Variants in NUP210L observed in about 807,000 individuals in gnomAD.
NUP210L encodes the protein nuclear pore membrane glycoprotein 210-like.
Under a neutral mutation model 208.5 loss-of-function variants are expected in NUP210L, and 74 were observed. The observed-to-expected ratio is 0.35, with a 90% CI of 0.29 to 0.43. The LOEUF (loss-of-function observed/expected upper bound fraction) is 0.43. Among genes scored for constraint, NUP210L ranks in the 20% least tolerant of loss-of-function variants. The probability of loss-of-function intolerance (pLI) is 1.00; values close to 1 mark genes in which losing one functional copy is unlikely to be tolerated. For missense variants in NUP210L, 1,843 were observed against 2,289.4 expected, an observed-to-expected ratio of 0.81 and a Z score of 3.98; for synonymous variants, 780 against 816.9, an observed-to-expected ratio of 0.95 and a Z score of 0.77.
In NUP210L at chr1:154,012,311, G is replaced by C. The variant is rs537840004; in HGVS notation, c.4713C>G (p.Thr1571=). 1.3e-4 allele frequency: 215 copies of C among 1,612,462 alleles called. 3 individuals are homozygous for C. The South Asian group carries it at 2.2e-3, about 16-fold the overall frequency. ...TGAATACAGTTGAATTGAGGGTATT[G>C]GTGAGATAAGTCTTGAGGTCATAAC... Residue 1571 remains threonine, a synonymous_variant, in exon 34 of 40, where the codon ACC becomes ACG. Transcript: ENST00000368559.
chr1:154,030,018 T>C, exon 28 of NUP210L: 1 of 1,609,884 alleles, frequency 6.2e-7, no homozygotes, highest in Non-Finnish European at 8.5e-7. Flanking sequence ...TGGACAACCA[T>C]GGCAAAGTTA....
chr1:154,092,186 C>T (rs1458721945), intron 15 of NUP210L, among the ~76,000 whole-genome samples: 1 of 151,314 alleles, frequency 6.6e-6, no homozygotes, highest in Non-Finnish European at 1.5e-5. Flanking sequence ...CGCCATTCTC[C>T]TGCCTCAGCC....
chr1:154,108,974 C>T (rs1045679486), intron 12 of NUP210L, among the ~76,000 whole-genome samples: 1 of 151,672 alleles, frequency 6.6e-6, no homozygotes, highest in Non-Finnish European at 1.5e-5. Flanking sequence ...GTAGCACATG[C>T]CTGTAATCCC....
At chr1:154,068,116 A>T (rs1654509792) in intron 17 of NUP210L, among the ~76,000 whole-genome samples, 1 of 152,174 alleles carries the variant, frequency 6.6e-6, no homozygotes, top group African/African-American at 2.4e-5. Context: ...AAAAGAGCCC[A>T]CATTGCCAAG....
intron 7 of NUP210L, among the ~76,000 whole-genome samples, chr1:154,134,897 C>T (rs915660819): frequency 1.5e-4 from 22 of 151,722 alleles, no homozygotes; most frequent in African/African-American, 4.6e-4. Context: ...ACCACCACGC[C>T]CGGCTAATTT....
At chr1:154,093,668 T>C (rs972224539) in intron 15 of NUP210L, among the ~76,000 whole-genome samples, 3 of 152,134 alleles carry the variant, frequency 2.0e-5, no homozygotes, top group East Asian at 3.8e-4. Flanking sequence ...GTTCAATGGA[T>C]TACAGCACAG....
At chr1:154,141,505 C>T in exon 4 of NUP210L, 1 of 1,610,174 alleles carries the variant, frequency 6.2e-7, no homozygotes, top group Non-Finnish European at 8.5e-7. Flanking sequence ...TCATCCCTGC[C>T]AAACTACTAA....
chr1:154,149,034 T>C (rs60633748), intron 2 of NUP210L, among the ~76,000 whole-genome samples: 68,693 of 150,356 alleles, frequency 0.46, 16,099 homozygotes, highest in Admixed American at 0.57. Context: ...AAAGGAAAAG[T>C]CTTGTGCACA....
At chr1:154,148,138 G>A (rs563985327) in intron 2 of NUP210L, among the ~76,000 whole-genome samples, 177 of 151,432 alleles carry the variant, frequency 1.2e-3, no homozygotes, top group South Asian at 8.4e-4. Flanking sequence ...ATGGTGGTGC[G>A]TGCCTGTAAT....
chr1:154,016,723 C>T (rs1557916118), intron 33 of NUP210L, among the ~76,000 whole-genome samples: 1 of 152,172 alleles, frequency 6.6e-6, no homozygotes, highest in Non-Finnish European at 1.5e-5. Flanking sequence ...GCAGGCCTAT[C>T]ACTTGGGCTC....
intron 36 of NUP210L, 68 bp from the exon 37 acceptor site, chr1:154,001,128 C>T: frequency 8.2e-7 from 1 of 1,226,508 alleles, no homozygotes; most frequent in Non-Finnish European, 1.2e-6. Context: ...ATGTTCCAAT[C>T]TGAAACATAT....
chr1:153,999,148 T>C (rs150733610), intron 37 of NUP210L, among the ~76,000 whole-genome samples: 13 of 152,296 alleles, frequency 8.5e-5, no homozygotes, highest in Admixed American at 2.0e-4. Context: ...CAAAAACCTA[T>C]TTCCCATTAG....
chr1:154,044,057 A>C (rs1653040474), intron 27 of NUP210L, among the ~76,000 whole-genome samples: 1 of 152,230 alleles, frequency 6.6e-6, no homozygotes, highest in African/African-American at 2.4e-5. Flanking sequence ...GGAGAAGTAG[A>C]ATAGAGGCCA....
At position 153,995,642 on chromosome 1, in the gene NUP210L, G is replaced by T. The variant is rs780242856; in HGVS notation, c.5387-462C>A. The T allele has an allele frequency of 2.3e-6, 3 of 1,309,892 alleles. No individual in the cohort carries two copies. In the Admixed American group the frequency reaches 5.1e-5, roughly 22 times the overall value. 81.1% of individuals were successfully genotyped at this position (1,309,892 alleles called of 1,614,324 possible). On this transcript the variant is annotated intron_variant, in intron 37 of 39. Coordinates refer to ENST00000368559, the Ensembl canonical transcript of NUP210L. ...CTGCAGGCACTCAGAATGGTCCAGC[G>T]TTTGACATACCAACGTAGGCTTTCC... is the stretch of plus-strand genomic sequence containing the variant.
At chr1:154,037,045 A>G (rs889850621) in intron 27 of NUP210L, among the ~76,000 whole-genome samples, 1 of 152,190 alleles carries the variant, frequency 6.6e-6, no homozygotes, top group African/African-American at 2.4e-5. Flanking sequence ...ATTACAAGCA[A>G]GAGCCACAAT....
intron 12 of NUP210L, among the ~76,000 whole-genome samples, chr1:154,114,005 T>C (rs1394337275): frequency 6.6e-6 from 1 of 151,476 alleles, no homozygotes; most frequent in African/African-American, 2.4e-5. Flanking sequence ...TAGCTGGGCG[T>C]GGTAGTGGGC....
chr1:154,118,229 A>C (rs1657430860), intron 11 of NUP210L, among the ~76,000 whole-genome samples: 1 of 152,158 alleles, frequency 6.6e-6, no homozygotes, highest in South Asian at 2.1e-4. Context: ...GAATCGCTTC[A>C]ACCTGGGAGA....
At chr1:154,059,062 T>C (rs961955835) in intron 20 of NUP210L, among the ~76,000 whole-genome samples, 1 of 152,030 alleles carries the variant, frequency 6.6e-6, no homozygotes, top group Non-Finnish European at 1.5e-5. Context: ...AGGCTGGGCG[T>C]GGTGGCACAT....
At chr1:154,100,515 GTTT>G (rs59904207) in intron 13 of NUP210L, among the ~76,000 whole-genome samples, 1 of 53,334 alleles carries the variant, frequency 1.9e-5, no homozygotes, top group Admixed American at 2.5e-4. Context: ...TTTTGGCTTT[GTTT>G]TTTTTTTTTT....
Sources: allele counts gnomAD v4.1 joint callset (sites outside exome capture counted in the v4.1 genomes callset), GRCh38; gene constraint gnomAD v4.1.1; transcripts MANE v1.5; gene names NCBI Gene and HGNC (gene_info 2026-07-23, HGNC 2026-07-21).